Variants in METTL9 observed in about 807,000 individuals in gnomAD.
METTL9 encodes the protein methyltransferase 9, His-X-His N1(pi)-histidine, also known as protein-L-histidine N-pros-methyltransferase.
METTL9 carries 10 observed loss-of-function variants against 36.0 expected under a neutral mutation model. The observed-to-expected ratio is 0.28, with a 90% CI of 0.17 to 0.47. METTL9 has a LOEUF of 0.47. METTL9 is among the 20% of genes least tolerant of loss of function. METTL9 has a pLI of 0.99. For missense variants in METTL9, 246 were observed against 383.5 expected, an observed-to-expected ratio of 0.64 and a Z score of 3.00; for synonymous variants, 175 against 149.7, an observed-to-expected ratio of 1.17 and a Z score of -1.23.
At chr16:21,602,846 A>G (rs1227016445) in intron 1 of METTL9, among the ~76,000 whole-genome samples, 1 of 152,014 alleles carries the variant, frequency 6.6e-6, no homozygotes, top group Non-Finnish European at 1.5e-5. Context: ...TTCAGTAGAG[A>G]TGGGGTTTCA....
intron 1 of METTL9, among the ~76,000 whole-genome samples, chr16:21,610,165 C>A (rs1965393880): frequency 6.6e-6 from 1 of 152,202 alleles, no homozygotes; most frequent in South Asian, 2.1e-4. Flanking sequence ...GCTCCCCAGC[C>A]CCTGGCAGCC....
Position 21,622,422 on chromosome 16 carries a change from A to G in METTL9, c.567-2509A>G, listed in dbSNP as rs375338445. Among the ~76,000 whole-genome samples the G allele has an allele frequency of 6.6e-5, 10 of 152,070 alleles. No individual in the cohort carries two copies. In the South Asian group the frequency reaches 1.0e-3, roughly 16 times the overall value. On this transcript the variant is annotated intron_variant, in intron 3 of 4. Coordinates refer to ENST00000358154, the MANE Select transcript of METTL9 (RefSeq NM_016025.5). ...AGTGCTGGAATTACAGATGTTAGCT[A>G]CTGCACCTGACTGCTTTATCATTCT... is the stretch of plus-strand genomic sequence containing the variant.
chr16:21,626,938 A>T, intron 4 of METTL9: 1 of 984,926 alleles, frequency 1.0e-6, no homozygotes, highest in African/African-American at 1.7e-5. Context: ...TGATGCTAAA[A>T]ATGGAGAGGA....
At chr16:21,636,012 C>T in intron 4 of METTL9, among the ~76,000 whole-genome samples, 2 of 152,110 alleles carry the variant, frequency 1.3e-5, no homozygotes, top group East Asian at 3.9e-4. Context: ...GATTTAGTGG[C>T]CTTTACTGAT....
At chr16:21,631,954 TTGTCTC>T (rs1965973816) in intron 4 of METTL9, among the ~76,000 whole-genome samples, 1 of 152,200 alleles carries the variant, frequency 6.6e-6, no homozygotes, top group Non-Finnish European at 1.5e-5. Context: ...GACTCCCTCT[TTGTCTC>T]TGTCTCTTTG....
intron 1 of METTL9, among the ~76,000 whole-genome samples, chr16:21,611,659 T>TG (rs1247810238): frequency 6.6e-6 from 1 of 152,176 alleles, no homozygotes; most frequent in Non-Finnish European, 1.5e-5. Flanking sequence ...TTAATCCTCA[T>TG]CGTACCCTGC....
At chr16:21,632,368 C>A (rs1032025532) in intron 4 of METTL9, among the ~76,000 whole-genome samples, 1 of 152,192 alleles carries the variant, frequency 6.6e-6, no homozygotes, top group Non-Finnish European at 1.5e-5. Flanking sequence ...GGCTTACTTT[C>A]AAGTACGGTT....
intron 4 of METTL9, among the ~76,000 whole-genome samples, chr16:21,650,533 G>T (rs1164571811): frequency 6.7e-6 from 1 of 150,104 alleles, no homozygotes; most frequent in South Asian, 2.1e-4. Context: ...AAAAAATAGA[G>T]GTTGGGGTGG....
intron 1 of METTL9, among the ~76,000 whole-genome samples, chr16:21,601,619 C>T (rs533744976): frequency 6.6e-6 from 1 of 152,164 alleles, no homozygotes; most frequent in African/African-American, 2.4e-5. Flanking sequence ...AGAATATCTC[C>T]CAGCAGAGGA....
intron 4 of METTL9, among the ~76,000 whole-genome samples, chr16:21,648,756 C>T (rs1310154493): frequency 6.6e-6 from 1 of 152,194 alleles, no homozygotes; most frequent in Non-Finnish European, 1.5e-5. Context: ...AGTTTTTGGT[C>T]TGAGTTCCGC....
At position 21,599,632 on chromosome 16, in the gene METTL9, T is replaced by A. The variant is rs939621520; in HGVS notation, c.-102T>A. The stretch of plus-strand genomic sequence containing the variant: ...GGCTGGATGGGCAAGGCGGCCGCGA[T>A]GGCTCGAGCTCGGGCGGTGGCGGCG... On this transcript the variant is annotated 5_prime_UTR_variant, in exon 1 of 5. It removes an upstream start codon present in the reference 5' UTR. Transcript: ENST00000358154. The surrounding 1 kb of genome is among the most constrained non-coding windows in gnomAD (Gnocchi z 4.4). The A allele has an allele frequency of 1.2e-5, 16 of 1,335,052 alleles. 1 individual carries two copies. The highest frequency in any genetic ancestry group is 5.7e-4 in the Middle Eastern group (2 of 3,536). 82.7% of individuals were successfully genotyped at this position (1,335,052 alleles called of 1,614,324 possible).
intron 4 of METTL9, chr16:21,627,088 A>G (rs1036161052): frequency 3.0e-6 from 3 of 985,250 alleles, no homozygotes; most frequent in Admixed American, 1.2e-4. Context: ...CCTTGTTGCT[A>G]TGGGTGACTT....
chr16:21,630,958 T>C (rs1260488025), intron 4 of METTL9, among the ~76,000 whole-genome samples: 3 of 152,126 alleles, frequency 2.0e-5, no homozygotes, highest in African/African-American at 4.8e-5. Flanking sequence ...GCCTGGTTAG[T>C]GTAAAAACAA....
chr16:21,653,006 AAGG>A (rs1966618117), intron 4 of METTL9: 1 of 172,452 alleles, frequency 5.8e-6, no homozygotes, highest in African/African-American at 2.4e-5. Flanking sequence ...AGAACAGCAG[AAGG>A]AGAAGTGGCT....
At chr16:21,600,247 G>T (rs954027857) in intron 1 of METTL9, among the ~76,000 whole-genome samples, 1 of 152,192 alleles carries the variant, frequency 6.6e-6, no homozygotes, top group Non-Finnish European at 1.5e-5. Flanking sequence ...GAGCGTGGCT[G>T]GGGGCGCCCG....
At chr16:21,605,362 C>T (rs1163640883) in intron 1 of METTL9, among the ~76,000 whole-genome samples, 1 of 137,174 alleles carries the variant, frequency 7.3e-6, no homozygotes, top group Non-Finnish European at 1.5e-5. Flanking sequence ...CTCACTGCAG[C>T]CTCAAACTCC....
intron 4 of METTL9, among the ~76,000 whole-genome samples, chr16:21,628,378 A>G (rs544165315): frequency 6.6e-6 from 1 of 152,360 alleles, no homozygotes; most frequent in South Asian, 2.1e-4. Flanking sequence ...TTACACATTT[A>G]CCAGCACACC....
intron 4 of METTL9, among the ~76,000 whole-genome samples, chr16:21,633,065 C>T (rs1329499572): frequency 6.6e-6 from 1 of 152,108 alleles, no homozygotes; most frequent in Non-Finnish European, 1.5e-5. Flanking sequence ...GGCTATCTCG[C>T]TGTATCTGGG....
intron 4 of METTL9, chr16:21,652,081 G>A (rs1411676317): frequency 6.6e-6 from 1 of 151,794 alleles, no homozygotes; most frequent in African/African-American, 2.4e-5. Flanking sequence ...GAAGTAGACA[G>A]AATTTTAAAA....
Sources: allele counts gnomAD v4.1 joint callset (sites outside exome capture counted in the v4.1 genomes callset), GRCh38; gene constraint gnomAD v4.1.1; non-coding constraint Gnocchi (gnomAD v3.1); transcripts MANE v1.5; gene names NCBI Gene and HGNC (gene_info 2026-07-23, HGNC 2026-07-21).